PTPRD: variants seen among roughly 807,000 people sequenced by gnomAD.
The protein encoded by PTPRD is receptor-type tyrosine-protein phosphatase delta.
PTPRD carries 34 observed loss-of-function variants against 214.5 expected under a neutral mutation model. The observed-to-expected ratio is 0.16, with a 90% CI of 0.12 to 0.21. The LOEUF (loss-of-function observed/expected upper bound fraction) is 0.21. PTPRD is among the 10% of genes least tolerant of loss of function. The pLI, the probability that PTPRD is intolerant of heterozygous loss-of-function variation, is 1.00. For missense variants in PTPRD, 2,545 were observed against 2,398.7 expected, an observed-to-expected ratio of 1.06 and a Z score of -1.27; for synonymous variants, 1,128 against 845.7, an observed-to-expected ratio of 1.33 and a Z score of -5.79.
Position 10,162,837 on chromosome 9 carries a change from A to G in PTPRD, c.-544-129047T>C, listed in dbSNP as rs370096757. On this transcript the variant is annotated intron_variant, in intron 3 of 45. Coordinates refer to ENST00000381196, the MANE Select transcript of PTPRD (RefSeq NM_002839.4). Reference sequence around the variant, plus strand: ...CTTTATTAAGCTATGTTACACACAAACATTTTTTGGTTTTTGATTTTGTCA... The same window carrying G: ...CTTTATTAAGCTATGTTACACACAAGCATTTTTTGGTTTTTGATTTTGTCA... 7.9e-4 allele frequency among the ~76,000 whole-genome samples: 118 copies of G among 150,034 alleles called. 2 individuals are homozygous for G. The South Asian group carries it at 0.023, about 29-fold the overall frequency.
chr9:8,824,536 G>T (rs2097138507), intron 11 of PTPRD, among the ~76,000 whole-genome samples: 2 of 152,132 alleles, frequency 1.3e-5, no homozygotes, highest in African/African-American at 4.8e-5. Flanking sequence ...CATTCAGTAA[G>T]CTTGTTTTGT....
At chr9:9,617,512 G>A (rs2094948605) in intron 7 of PTPRD, among the ~76,000 whole-genome samples, 6 of 152,168 alleles carry the variant, frequency 3.9e-5, no homozygotes, top group Admixed American at 3.9e-4. Flanking sequence ...TGGAAAGGTT[G>A]ACAAATGTGT....
chr9:9,700,074 T>A (rs2097463620), intron 7 of PTPRD, among the ~76,000 whole-genome samples: 1 of 152,166 alleles, frequency 6.6e-6, no homozygotes, highest in African/African-American at 2.4e-5. Flanking sequence ...AATATGATGT[T>A]GCATTTTCAC....
At chr9:8,902,193 G>A (rs1169308929) in intron 11 of PTPRD, among the ~76,000 whole-genome samples, 1 of 152,098 alleles carries the variant, frequency 6.6e-6, no homozygotes, top group Non-Finnish European at 1.5e-5. Flanking sequence ...TTATGACACT[G>A]TCATGTGACA....
At chr9:9,403,154 G>C (rs1198143309) in intron 8 of PTPRD, among the ~76,000 whole-genome samples, 1 of 150,676 alleles carries the variant, frequency 6.6e-6, no homozygotes, top group Non-Finnish European at 1.5e-5. Context: ...AGCTGGGTGT[G>C]GTGGCACAAG....
At chr9:9,749,298 T>A (rs576266761) in intron 6 of PTPRD, among the ~76,000 whole-genome samples, 2 of 152,300 alleles carry the variant, frequency 1.3e-5, no homozygotes, top group Admixed American at 1.3e-4. Context: ...GGTTGGTAAG[T>A]TGGCTTAACT....
intron 7 of PTPRD, among the ~76,000 whole-genome samples, chr9:9,591,253 A>G (rs770575845): frequency 6.6e-6 from 1 of 152,084 alleles, no homozygotes; most frequent in Middle Eastern, 3.4e-3. Flanking sequence ...GTGGGAGGAC[A>G]TATGGAAGGC....
At chr9:8,794,915 C>T (rs1395960924) in intron 11 of PTPRD, among the ~76,000 whole-genome samples, 2 of 151,272 alleles carry the variant, frequency 1.3e-5, no homozygotes, top group African/African-American at 4.9e-5. Flanking sequence ...CAATGAGTGA[C>T]AGTATACAAA....
chr9:9,963,682 G>A (rs367764792), intron 4 of PTPRD, among the ~76,000 whole-genome samples: 1 of 151,960 alleles, frequency 6.6e-6, no homozygotes, highest in African/African-American at 2.4e-5. Flanking sequence ...TTTCCTTTTT[G>A]GTAATAAAAA....
chr9:10,562,681 C>T (rs1407826042), intron 2 of PTPRD, among the ~76,000 whole-genome samples: 1 of 151,768 alleles, frequency 6.6e-6, no homozygotes, highest in African/African-American at 2.4e-5. Flanking sequence ...TGTAATGTGC[C>T]ATGCAAACAA....
In PTPRD at chr9:8,335,946, C is replaced by T. The variant is rs1340413299; in HGVS notation, c.5379+2976G>A. Among the ~76,000 whole-genome samples the T allele has an allele frequency of 3.3e-5, 5 of 152,078 alleles. No homozygotes were observed. The East Asian group carries it at 5.8e-4, about 18-fold the overall frequency. On this transcript the variant is annotated intron_variant, in intron 43 of 45. Coordinates refer to ENST00000381196, the MANE Select transcript of PTPRD (RefSeq NM_002839.4). The stretch of plus-strand genomic sequence containing the variant: ...CTTCAAGGAGAACTGCAAACCACTG[C>T]TCAAGGAAATAAGAGAGGACACAAA...
chr9:10,060,676 CTTA>C (rs2097745636), intron 3 of PTPRD, among the ~76,000 whole-genome samples: 1 of 148,058 alleles, frequency 6.8e-6, no homozygotes, highest in Admixed American at 6.6e-5. Context: ...TTTAATTTAT[CTTA>C]TGTTTTATAG....
intron 5 of PTPRD, among the ~76,000 whole-genome samples, chr9:9,916,750 C>T (rs1349261238): frequency 1.3e-5 from 2 of 152,060 alleles, no homozygotes; most frequent in East Asian, 1.9e-4. Context: ...ATTTACAAAA[C>T]ATTTCATTCA....
intron 3 of PTPRD, among the ~76,000 whole-genome samples, chr9:10,196,764 C>G (rs2099399978): frequency 6.6e-6 from 1 of 151,996 alleles, no homozygotes; most frequent in Non-Finnish European, 1.5e-5. Context: ...TTGCATACCC[C>G]CAGAATTTAC....
chr9:9,881,340 T>C (rs2068623822), intron 5 of PTPRD, among the ~76,000 whole-genome samples: 1 of 152,162 alleles, frequency 6.6e-6, no homozygotes, highest in African/African-American at 2.4e-5. Flanking sequence ...CATTGATGTT[T>C]CTATGATTAC....
At chr9:8,683,922 T>C (rs561464189) in intron 12 of PTPRD, among the ~76,000 whole-genome samples, 5 of 152,220 alleles carry the variant, frequency 3.3e-5, no homozygotes, top group Admixed American at 3.3e-4. Context: ...GGAGACCAAA[T>C]ACAGACAGAA....
intron 5 of PTPRD, among the ~76,000 whole-genome samples, chr9:9,874,821 A>C (rs193051222): frequency 6.6e-6 from 1 of 152,252 alleles, no homozygotes; most frequent in East Asian, 1.9e-4. Flanking sequence ...CTAAACCTTA[A>C]TATTTTGTGT....
At chr9:9,171,329 TATAAGATTATATTATATATAAATATA>T (rs1592854149) in intron 10 of PTPRD, among the ~76,000 whole-genome samples, 2 of 149,962 alleles carry the variant, frequency 1.3e-5, no homozygotes, top group East Asian at 3.9e-4. Context: ...TATTGCTAAT[TATAAGATTATATTATATATAAATATA>T]ATTAGATTAT....
rs1229725458 is a variant in PTPRD, at chr9:8,756,480, C to G, written c.-103-22534G>C. Among the ~76,000 whole-genome samples the G allele has an allele frequency of 2.6e-5, 4 of 152,176 alleles. No homozygotes were observed. The East Asian group carries it at 7.7e-4, about 29-fold the overall frequency. ...ACAGCAAATCCATCTGCAATTTCTT[C>G]TAACTCACAGATCAAAGGAGACTGT... On this transcript the variant is annotated intron_variant, in intron 11 of 45. Coordinates refer to ENST00000381196, the MANE Select transcript of PTPRD (RefSeq NM_002839.4).
Sources: gnomAD v4.1 joint callset for allele counts (sites outside exome capture counted in the v4.1 genomes callset) on GRCh38, gnomAD v4.1.1 for gene constraint, MANE v1.5 for transcripts, NCBI Gene and HGNC (gene_info 2026-07-23, HGNC 2026-07-21) for gene names.